LAT: variants seen among roughly 807,000 people sequenced by gnomAD.
LAT encodes linker for activation of T-cells family member 1.
Under a neutral mutation model 39.1 loss-of-function variants are expected in LAT, and 12 were observed. That is an observed-to-expected ratio of 0.31 (90% CI 0.20 to 0.50). The LOEUF (loss-of-function observed/expected upper bound fraction) is 0.50, where lower values mean the gene tolerates loss of function less well. Among genes scored for constraint, LAT ranks in the 20% least tolerant of loss-of-function variants. LAT has a pLI of 0.98. For synonymous variants in LAT, 117 were observed against 123.8 expected, an observed-to-expected ratio of 0.95 and a Z score of 0.36; for missense variants, 253 against 308.0, an observed-to-expected ratio of 0.82 and a Z score of 1.34.
In LAT at chr16:28,986,634, G is replaced by A; in HGVS notation, c.341-23G>A. 1 of 1,614,072 alleles carries A rather than the reference G, an allele frequency of 6.2e-7. No individual in the cohort carries two copies. Among genetic ancestry groups the A allele is most frequent in the African/African-American group, 1.3e-5 (1 of 75,034 alleles). On this transcript the variant is annotated intron_variant, in intron 6 of 11. Coordinates refer to ENST00000395456, the MANE Select transcript of LAT (RefSeq NM_001014987.2). This position sits in a 1 kb window ranked among gnomAD's most constrained non-coding sequence, Gnocchi z 5.7. ...TCTGGGGTCCGTCCTGGACTAGGCT[G>A]ACCCCTGTGTCGTTACCCCCAGAAC...
chr16:28,987,747 C>T (rs1303296898), intron 8 of LAT: 2 of 152,098 alleles, frequency 1.3e-5, no homozygotes, highest in East Asian at 1.9e-4. Context: ...TACTATGTGC[C>T]TCTGCTGGGC....
Position 28,987,365 on chromosome 16 carries a change from C to CT in LAT, c.493+479dup, listed in dbSNP as rs1435082661. ...AGCTCTTTCTCGTTCTCTGGCTGTT[C>CT]TTTTTTTATAGCCTCCTGTTCTTGT... On this transcript the variant is annotated intron_variant, in intron 8 of 11. Transcript: ENST00000395456. 2.0e-5 allele frequency among the ~76,000 whole-genome samples: 3 copies of CT among 152,092 alleles called. 1 individual carries two copies. Among genetic ancestry groups the CT allele is most frequent in the Admixed American group, 1.3e-4 (2 of 15,256 alleles).
chr16:28,989,007 A>G (rs1965817992), intron 8 of LAT: 1 of 154,926 alleles, frequency 6.5e-6, no homozygotes. Context: ...TGTCTCAAGA[A>G]AAACAAAAAC....
At position 28,986,836 on chromosome 16, in the gene LAT, G is replaced by T; in HGVS notation, c.436G>T (p.Ala146Ser). The stretch of plus-strand genomic sequence containing the variant: ...TGACAGCACCCCGGCCACTAGCACT[G>T]CTGCCCCATCAGCTCCTGCACTCAG... ...LPDSTPATST[A>S]APSAPALSTP... The change falls in exon 8 of 12, where the codon GCT becomes TCT. Residue 146 changes from alanine to serine, a missense_variant. Transcript: ENST00000395456. This position sits in a 1 kb window ranked among gnomAD's most constrained non-coding sequence, Gnocchi z 5.7. 1 of 1,614,090 alleles carries T rather than the reference G, an allele frequency of 6.2e-7. No homozygotes were observed. Among genetic ancestry groups the T allele is most frequent in the Non-Finnish European group, 8.5e-7 (1 of 1,180,010 alleles).
Sources: gnomAD v4.1 joint callset for allele counts (sites outside exome capture counted in the v4.1 genomes callset) on GRCh38, gnomAD v4.1.1 for gene constraint, Gnocchi (gnomAD v3.1) non-coding constraint, MANE v1.5 for transcripts, NCBI Gene and HGNC (gene_info 2026-07-23, HGNC 2026-07-21) for gene names.